ALK: variants seen among roughly 807,000 people sequenced by gnomAD.
ALK encodes ALK receptor tyrosine kinase, also known as ALK tyrosine kinase receptor.
Under a neutral mutation model 163.1 loss-of-function variants are expected in ALK, and 74 were observed. The ratio of observed to expected loss-of-function variants is 0.45; its 90% CI spans 0.38 to 0.55. The LOEUF (loss-of-function observed/expected upper bound fraction) is 0.55, where lower values mean the gene tolerates loss of function less well. Among genes scored for constraint, ALK ranks in the 20% least tolerant of loss-of-function variants. The probability of loss-of-function intolerance (pLI) is 0.00; values close to 1 mark genes in which losing one functional copy is unlikely to be tolerated. For missense variants in ALK, 2,063 were observed against 2,105.3 expected (o/e 0.98, Z 0.39); for synonymous variants, 960 against 843.2 (o/e 1.14, Z -2.40).
At chr2:29,641,599 C>T (rs375590052) in intron 3 of ALK, among the ~76,000 whole-genome samples, 3 of 152,088 alleles carry the variant, frequency 2.0e-5, no homozygotes, top group South Asian at 2.1e-4. Flanking sequence ...AACATAATTG[C>T]TTAATAGCCA....
chr2:29,335,115 A>G (rs1667571275), intron 5 of ALK, among the ~76,000 whole-genome samples: 1 of 152,142 alleles, frequency 6.6e-6, no homozygotes, highest in Non-Finnish European at 1.5e-5. Flanking sequence ...TTTCCCATTG[A>G]CACTTCTGAT....
intron 24 of ALK, among the ~76,000 whole-genome samples, chr2:29,212,703 G>GT (rs1334450847): frequency 6.6e-6 from 1 of 151,738 alleles, no homozygotes; most frequent in East Asian, 1.9e-4. Context: ...CTATTTCTTT[G>GT]TTTTTTCTTT....
chr2:29,619,497 G>A (rs2148227884), intron 3 of ALK, among the ~76,000 whole-genome samples: 1 of 152,246 alleles, frequency 6.6e-6, no homozygotes, highest in South Asian at 2.1e-4. Flanking sequence ...TGAGGGTGTT[G>A]CCTTCCTTCT....
At chr2:29,272,161 G>T (rs1382440598) in intron 11 of ALK, among the ~76,000 whole-genome samples, 1 of 143,788 alleles carries the variant, frequency 7.0e-6, no homozygotes, top group Non-Finnish European at 1.5e-5. Flanking sequence ...AAGAGAGAGA[G>T]AGAGAAGGAG....
chr2:29,599,941 C>T (rs1222576174), intron 3 of ALK, among the ~76,000 whole-genome samples: 1 of 152,132 alleles, frequency 6.6e-6, no homozygotes, highest in African/African-American at 2.4e-5. Flanking sequence ...CTGTGTGGTT[C>T]CCACCCCTAC....
chr2:29,668,463 T>A (rs993005909), intron 3 of ALK, among the ~76,000 whole-genome samples: 1 of 152,162 alleles, frequency 6.6e-6, no homozygotes, highest in Non-Finnish European at 1.5e-5. Flanking sequence ...TCCATTTTAA[T>A]GTGTTTCAAA....
At chr2:29,572,526 C>A (rs923153303) in intron 3 of ALK, among the ~76,000 whole-genome samples, 2 of 152,170 alleles carry the variant, frequency 1.3e-5, no homozygotes, top group African/African-American at 4.8e-5. Flanking sequence ...GCCCCCCTGA[C>A]CTTGTGTGCC....
At chr2:29,723,241 G>C (rs533073049) in intron 1 of ALK, among the ~76,000 whole-genome samples, 2 of 151,968 alleles carry the variant, frequency 1.3e-5, no homozygotes, top group Admixed American at 1.3e-4. Flanking sequence ...GCTCTTCCCC[G>C]AACTCACCAA....
At chr2:29,588,010 A>C (rs77576350) in intron 3 of ALK, among the ~76,000 whole-genome samples, 1 of 151,974 alleles carries the variant, frequency 6.6e-6, no homozygotes, top group Non-Finnish European at 1.5e-5. Context: ...ATGCATCATC[A>C]GAGTTTGGGC....
intron 3 of ALK, among the ~76,000 whole-genome samples, chr2:29,657,217 A>T (rs1212410746): frequency 1.3e-5 from 2 of 152,146 alleles, no homozygotes; most frequent in Non-Finnish European, 2.9e-5. Context: ...CAAAACCTGG[A>T]CTGTAAAGAT....
chr2:29,323,785 T>G (rs986951854), intron 6 of ALK, among the ~76,000 whole-genome samples: 3 of 152,212 alleles, frequency 2.0e-5, no homozygotes, highest in Non-Finnish European at 4.4e-5. Flanking sequence ...GGATTGGGTC[T>G]AATGGTATCA....
chr2:29,821,164 C>T (rs1572406493), intron 1 of ALK, among the ~76,000 whole-genome samples: 1 of 152,280 alleles, frequency 6.6e-6, no homozygotes, highest in South Asian at 2.1e-4. Context: ...TGTTTTCCCA[C>T]CCACTGTTGC....
intron 4 of ALK, among the ~76,000 whole-genome samples, chr2:29,396,543 G>A (rs902770185): frequency 6.6e-6 from 1 of 152,180 alleles, no homozygotes; most frequent in Non-Finnish European, 1.5e-5. Flanking sequence ...ACATGGTGGC[G>A]TGTGCCTGTA....
chr2:29,672,727 T>C lies in ALK; in HGVS notation c.952+22123A>G, dbSNP rs61156017. Reference sequence around the variant, plus strand: ...TGGCTCGGTCAAATGGTATTTCTACTTCTAGATCCCTGAGGAATCGCCACA... The same window carrying C: ...TGGCTCGGTCAAATGGTATTTCTACCTCTAGATCCCTGAGGAATCGCCACA... On this transcript the variant is annotated intron_variant, in intron 3 of 28. Transcript: ENST00000389048. Among the ~76,000 whole-genome samples the C allele has an allele frequency of 9.1e-3, 1,379 of 152,190 alleles. 31 individuals carry two copies. Among genetic ancestry groups the C allele is most frequent in the African/African-American group, 0.03 (1,226 of 41,484 alleles).
intron 20 of ALK, among the ~76,000 whole-genome samples, chr2:29,223,039 C>T (rs1029572838): frequency 1.3e-5 from 2 of 152,102 alleles, no homozygotes; most frequent in Non-Finnish European, 2.9e-5. Flanking sequence ...AGGAGGGGCC[C>T]TTTGCTCCCC....
At chr2:29,676,145 G>T (rs1677866411) in intron 3 of ALK, among the ~76,000 whole-genome samples, 1 of 151,876 alleles carries the variant, frequency 6.6e-6, no homozygotes, top group Admixed American at 6.6e-5. Flanking sequence ...CCAGTCTTGT[G>T]GCTTGATTTT....
intron 4 of ALK, among the ~76,000 whole-genome samples, chr2:29,411,428 TAA>T (rs56744798): frequency 0.088 from 13,223 of 149,696 alleles, 781 homozygotes; most frequent in Non-Finnish European, 0.13. Context: ...TCCTCTCTAT[TAA>T]AAAAAAAAAA....
chr2:29,538,814 G>A (rs762161066), intron 3 of ALK, among the ~76,000 whole-genome samples: 5 of 152,004 alleles, frequency 3.3e-5, no homozygotes, highest in Non-Finnish European at 5.9e-5. Flanking sequence ...TTGCAGGTGT[G>A]ACAACTTTAG....
rs150140762 is a variant in ALK, at chr2:29,461,500, T to C, written c.1154+70415A>G. Among the ~76,000 whole-genome samples the C allele has an allele frequency of 4.0e-3, 605 of 152,254 alleles. 5 individuals are homozygous for C. Among genetic ancestry groups the C allele is most frequent in the African/African-American group, 0.013 (527 of 41,558 alleles). On this transcript the variant is annotated intron_variant, in intron 4 of 28. Coordinates refer to ENST00000389048, the MANE Select transcript of ALK (RefSeq NM_004304.5). ...AGTTACAAACAATATTCATTTACCA[T>C]TCTGAAAATTGTGGGGCCCTTAAGA...
Sources: gnomAD v4.1 joint callset for allele counts (sites outside exome capture counted in the v4.1 genomes callset) on GRCh38, gnomAD v4.1.1 for gene constraint, MANE v1.5 for transcripts, NCBI Gene and HGNC (gene_info 2026-07-23, HGNC 2026-07-21) for gene names.